EHF: variants seen among roughly 807,000 people sequenced by gnomAD.
The protein encoded by EHF is ETS homologous factor.
EHF carries 14 observed loss-of-function variants against 45.1 expected under a neutral mutation model. That is an observed-to-expected ratio of 0.31 (90% CI 0.21 to 0.49). The LOEUF (loss-of-function observed/expected upper bound fraction) is 0.49, where lower values mean the gene tolerates loss of function less well. Ranked by LOEUF, EHF falls within the 20% of genes least tolerant of loss-of-function variation. The pLI is 0.99. For synonymous variants in EHF, 136 were observed against 131.8 expected (o/e 1.03, Z -0.22); for missense variants, 282 against 371.4 (o/e 0.76, Z 1.98).
intron 1 of EHF, among the ~76,000 whole-genome samples, chr11:34,641,263 T>A (rs10836268): frequency 0.14 from 21,777 of 152,146 alleles, 2,829 homozygotes; most frequent in East Asian, 0.45. Flanking sequence ...ATCATACATG[T>A]TTGTGTGTAG....
chr11:34,636,668 A>G (rs1853436220), intron 1 of EHF, among the ~76,000 whole-genome samples: 1 of 152,212 alleles, frequency 6.6e-6, no homozygotes, highest in Non-Finnish European at 1.5e-5. Context: ...CCACCAAGCC[A>G]CAGTACCAAG....
chr11:34,644,525 C>T (rs374655782), intron 2 of EHF, among the ~76,000 whole-genome samples: 9 of 152,186 alleles, frequency 5.9e-5, no homozygotes, highest in South Asian at 2.1e-4. Flanking sequence ...CCATGAGGTA[C>T]GAGGAGCTAA....
At chr11:34,634,556 G>A (rs1429687980) in intron 1 of EHF, among the ~76,000 whole-genome samples, 2 of 152,186 alleles carry the variant, frequency 1.3e-5, no homozygotes, top group Admixed American at 6.5e-5. Flanking sequence ...GATCTGCTCC[G>A]TGGCCCTGGT....
chr11:34,647,718 C>T (rs1854709195), intron 3 of EHF, among the ~76,000 whole-genome samples: 1 of 152,202 alleles, frequency 6.6e-6, no homozygotes, highest in Admixed American at 6.5e-5. Flanking sequence ...CTGAAGAGGA[C>T]CTGGGGCCTT....
At position 34,640,207 on chromosome 11, in the gene EHF, G is replaced by C. The variant is rs1296354735; in HGVS notation, c.-3-2421G>C. 2.6e-5 allele frequency among the ~76,000 whole-genome samples: 4 copies of C among 152,114 alleles called. No individual in the cohort carries two copies. The East Asian group carries it at 5.8e-4, about 22-fold the overall frequency. Reference sequence around the variant, plus strand: ...ACAGTAAGCAGGGGAACTGGAATCTGAGCCTGCATCTCTCCAGCTCCAAAG... The same window carrying C: ...ACAGTAAGCAGGGGAACTGGAATCTCAGCCTGCATCTCTCCAGCTCCAAAG... On this transcript the variant is annotated intron_variant, in intron 1 of 8. Coordinates refer to ENST00000257831, the MANE Select transcript of EHF (RefSeq NM_012153.6).
intron 1 of EHF, among the ~76,000 whole-genome samples, chr11:34,627,888 C>T (rs1324980190): frequency 1.3e-5 from 2 of 152,216 alleles, no homozygotes; most frequent in African/African-American, 4.8e-5. Context: ...TGTCTTATTA[C>T]ACCTATTACA....
At chr11:34,650,082 C>A (rs1854989616) in intron 4 of EHF, among the ~76,000 whole-genome samples, 1 of 152,244 alleles carries the variant, frequency 6.6e-6, no homozygotes, top group Admixed American at 6.5e-5. Flanking sequence ...CCTGGCCTTG[C>A]CCTAGAGATG....
intron 3 of EHF, chr11:34,647,004 C>G: frequency 5.6e-6 from 2 of 358,920 alleles, no homozygotes; most frequent in Non-Finnish European, 9.9e-6. Flanking sequence ...CCTTTGCAAA[C>G]AGTCCAGTCA....
At chr11:34,635,674 C>T (rs286911) in intron 1 of EHF, among the ~76,000 whole-genome samples, 57,178 of 147,446 alleles carry the variant, frequency 0.39, 11,840 homozygotes, top group African/African-American at 0.52. Flanking sequence ...CAGGAGCTTG[C>T]GTTTTAGACA....
chr11:34,643,243 G>A (rs777962485), intron 2 of EHF, among the ~76,000 whole-genome samples: 5 of 152,162 alleles, frequency 3.3e-5, no homozygotes, highest in Admixed American at 6.5e-5. Context: ...TCTAGAACAC[G>A]TCTATTAGAA....
intron 2 of EHF, among the ~76,000 whole-genome samples, chr11:34,646,177 G>C (rs558630563): frequency 7.2e-5 from 11 of 151,918 alleles, no homozygotes; most frequent in Middle Eastern, 3.2e-3. Context: ...CAATGCTCTA[G>C]CTTTCATGAT....
intron 6 of EHF, among the ~76,000 whole-genome samples, chr11:34,656,390 A>T (rs1855676117): frequency 6.7e-6 from 1 of 149,246 alleles, no homozygotes; most frequent in African/African-American, 2.4e-5. Flanking sequence ...TTTTTCTATT[A>T]TGCTAAAAAA....
At chr11:34,626,947 G>T (rs970217210) in intron 1 of EHF, among the ~76,000 whole-genome samples, 10 of 152,112 alleles carry the variant, frequency 6.6e-5, no homozygotes, top group Non-Finnish European at 1.5e-5. Flanking sequence ...TTGGGCTGTT[G>T]TAAAGATTAA....
At chr11:34,638,419 T>C (rs1358936762) in intron 1 of EHF, among the ~76,000 whole-genome samples, 7 of 152,160 alleles carry the variant, frequency 4.6e-5, no homozygotes, top group African/African-American at 1.7e-4. Context: ...TTGAGGTGCC[T>C]TGTCTCATTT....
chr11:34,625,045 G>A (rs555213802), intron 1 of EHF, among the ~76,000 whole-genome samples: 1 of 152,260 alleles, frequency 6.6e-6, no homozygotes, highest in African/African-American at 2.4e-5. Flanking sequence ...GAGTACCTGG[G>A]GGTCAGCAGG....
intron 2 of EHF, among the ~76,000 whole-genome samples, chr11:34,644,716 T>A (rs768403343): frequency 1.8e-4 from 28 of 152,234 alleles, no homozygotes; most frequent in Non-Finnish European, 4.1e-4. Context: ...GAGGGTGTTG[T>A]GGGCTGGACC....
intron 6 of EHF, among the ~76,000 whole-genome samples, chr11:34,653,746 G>A (rs536148870): frequency 3.6e-4 from 55 of 152,254 alleles, no homozygotes; most frequent in African/African-American, 9.9e-4. Context: ...GCAGAACCCC[G>A]GAAAAACCTT....
At chr11:34,658,807 C>A (rs1855899029) in intron 8 of EHF, 25 bp from the exon 9 acceptor site, 1 of 1,609,258 alleles carries the variant, frequency 6.2e-7, no homozygotes, top group Admixed American at 1.7e-5. Flanking sequence ...GGATCAGTCA[C>A]CTTATGCAAT....
At chr11:34,628,491 G>A (rs1590409675) in intron 1 of EHF, among the ~76,000 whole-genome samples, 1 of 152,118 alleles carries the variant, frequency 6.6e-6, no homozygotes, top group African/African-American at 2.4e-5. Context: ...TCTCACACAC[G>A]ACTAACGAAA....
Sources: gnomAD v4.1 joint callset for allele counts (sites outside exome capture counted in the v4.1 genomes callset) on GRCh38, gnomAD v4.1.1 for gene constraint, MANE v1.5 for transcripts, NCBI Gene and HGNC (gene_info 2026-07-23, HGNC 2026-07-21) for gene names.